Variants in GRIA1 observed in about 807,000 individuals in gnomAD.
GRIA1 encodes the protein glutamate ionotropic receptor AMPA type subunit 1.
In GRIA1, 31 loss-of-function variants were observed where a neutral mutation model predicts 99.2. The observed-to-expected ratio is 0.31, with a 90% CI of 0.23 to 0.42. GRIA1 has a LOEUF of 0.42. Ranked by LOEUF, GRIA1 falls within the 10% of genes least tolerant of loss-of-function variation. The pLI is 1.00. For synonymous variants in GRIA1, 438 were observed against 432.4 expected (o/e 1.01, Z -0.16); for missense variants, 782 against 1,157.5 (o/e 0.68, Z 4.71).
chr5:153,576,905 G>C (rs60470543), intron 2 of GRIA1, among the ~76,000 whole-genome samples: 75 of 143,638 alleles, frequency 5.2e-4, no homozygotes, highest in African/African-American at 1.8e-3. Flanking sequence ...TGCCTGACAC[G>C]TAGCAGGCTC....
intron 11 of GRIA1, among the ~76,000 whole-genome samples, chr5:153,746,265 TTGGGGATATG>T (rs1457142549): frequency 6.6e-6 from 1 of 152,110 alleles, no homozygotes; most frequent in Non-Finnish European, 1.5e-5. Flanking sequence ...GCTAGCTCAG[TTGGGGATATG>T]TGGGAGGGAG....
chr5:153,547,404 T>A (rs577453487), intron 2 of GRIA1, among the ~76,000 whole-genome samples: 1 of 152,288 alleles, frequency 6.6e-6, no homozygotes, highest in Admixed American at 6.5e-5. Context: ...CAGTAGGCAC[T>A]TAAGGAATAT....
chr5:153,514,027 C>G (rs1756365065), intron 2 of GRIA1, among the ~76,000 whole-genome samples: 1 of 152,204 alleles, frequency 6.6e-6, no homozygotes, highest in African/African-American at 2.4e-5. Context: ...ACCTCTAAGC[C>G]TTGGCTATGC....
chr5:153,519,576 C>G (rs1298166961), intron 2 of GRIA1, among the ~76,000 whole-genome samples: 2 of 152,106 alleles, frequency 1.3e-5, no homozygotes, highest in Non-Finnish European at 1.5e-5. Flanking sequence ...CTGCCTGACC[C>G]TGGCTCCAGG....
At chr5:153,546,669 A>T (rs1402923315) in intron 2 of GRIA1, among the ~76,000 whole-genome samples, 1 of 152,214 alleles carries the variant, frequency 6.6e-6, no homozygotes, top group East Asian at 1.9e-4. Context: ...ACAGTTTATT[A>T]TAAGTGCCAA....
chr5:153,714,203 G>T (rs762456169), intron 11 of GRIA1, among the ~76,000 whole-genome samples: 4 of 152,074 alleles, frequency 2.6e-5, no homozygotes, highest in Non-Finnish European at 4.4e-5. Context: ...CATTGCCATG[G>T]GAACTCCATG....
intron 2 of GRIA1, among the ~76,000 whole-genome samples, chr5:153,604,968 G>A (rs966451589): frequency 6.6e-6 from 1 of 151,938 alleles, no homozygotes; most frequent in Non-Finnish European, 1.5e-5. Flanking sequence ...GTGGCCAGGC[G>A]CAGTGGTCAG....
At chr5:153,569,030 C>G (rs780407990) in intron 2 of GRIA1, among the ~76,000 whole-genome samples, 25 of 152,198 alleles carry the variant, frequency 1.6e-4, no homozygotes, top group Non-Finnish European at 2.8e-4. Context: ...TACCCAGGTT[C>G]TACGGCACTT....
At chr5:153,638,733 AATT>A (rs1753570149) in intron 2 of GRIA1, among the ~76,000 whole-genome samples, 1 of 152,262 alleles carries the variant, frequency 6.6e-6, no homozygotes, top group African/African-American at 2.4e-5. Flanking sequence ...TGTTCTTACA[AATT>A]ACAGAACCTA....
intron 11 of GRIA1, among the ~76,000 whole-genome samples, chr5:153,733,871 T>C (rs1761206553): frequency 1.3e-5 from 2 of 152,054 alleles, no homozygotes; most frequent in South Asian, 2.1e-4. Flanking sequence ...AAGCAAATAT[T>C]AATAGGTCTA....
At chr5:153,774,022 T>C (rs1361587191) in intron 13 of GRIA1, among the ~76,000 whole-genome samples, 2 of 151,868 alleles carry the variant, frequency 1.3e-5, no homozygotes, top group African/African-American at 4.8e-5. Flanking sequence ...CATTAAAGAA[T>C]GGTTGCAGAA....
chr5:153,607,746 TTA>T (rs1438586778), intron 2 of GRIA1, among the ~76,000 whole-genome samples: 3 of 152,104 alleles, frequency 2.0e-5, no homozygotes, highest in African/African-American at 4.8e-5. Flanking sequence ...AATGTACATG[TTA>T]TTATTGTTGC....
chr5:153,658,891 C>T (rs73285411), intron 5 of GRIA1, among the ~76,000 whole-genome samples: 3,261 of 152,154 alleles, frequency 0.021, 108 homozygotes, highest in African/African-American at 0.075. Flanking sequence ...AAATAGCCAC[C>T]TTTGAAGGGC....
intron 7 of GRIA1, among the ~76,000 whole-genome samples, chr5:153,681,617 G>A (rs1169971933): frequency 1.3e-5 from 2 of 152,264 alleles, no homozygotes; most frequent in South Asian, 4.2e-4. Context: ...GAACTATCTG[G>A]GGGATCTTGG....
chr5:153,694,032 A>G (rs547434344), intron 8 of GRIA1, among the ~76,000 whole-genome samples: 5 of 152,306 alleles, frequency 3.3e-5, no homozygotes, highest in South Asian at 4.1e-4. Context: ...TTATCTCCCT[A>G]CAAAAGAGTT....
At chr5:153,620,285 CTT>C (rs57847273) in intron 2 of GRIA1, among the ~76,000 whole-genome samples, 10 of 146,870 alleles carry the variant, frequency 6.8e-5, no homozygotes, top group Middle Eastern at 3.5e-3. Flanking sequence ...TTGGGATAGA[CTT>C]TTTTTTTTTT....
intron 2 of GRIA1, among the ~76,000 whole-genome samples, chr5:153,593,608 C>T (rs1180508504): frequency 6.6e-6 from 1 of 152,076 alleles, no homozygotes; most frequent in Non-Finnish European, 1.5e-5. Context: ...TTTTATTCTG[C>T]ATATTTTATC....
chr5:153,701,851 G>C (rs1343926906), intron 10 of GRIA1, among the ~76,000 whole-genome samples: 2 of 151,932 alleles, frequency 1.3e-5, no homozygotes, highest in Admixed American at 6.6e-5. Context: ...AGTCGATCAG[G>C]CTCTCTCTTA....
intron 7 of GRIA1, among the ~76,000 whole-genome samples, chr5:153,680,152 G>A (rs750353643): frequency 1.3e-5 from 2 of 152,090 alleles, no homozygotes; most frequent in Non-Finnish European, 2.9e-5. Context: ...TCAAGGGCAC[G>A]GCCAAACAGG....
Sources: gnomAD v4.1 joint callset for allele counts (sites outside exome capture counted in the v4.1 genomes callset) on GRCh38, gnomAD v4.1.1 for gene constraint, MANE v1.5 for transcripts, NCBI Gene and HGNC (gene_info 2026-07-23, HGNC 2026-07-21) for gene names.